Variants in LAMA1 observed in about 807,000 individuals in gnomAD.
LAMA1 encodes laminin subunit alpha 1.
Under a neutral mutation model 348.7 loss-of-function variants are expected in LAMA1, and 219 were observed. The observed-to-expected ratio is 0.63, with a 90% CI of 0.56 to 0.70. The LOEUF is 0.70. Ranked by LOEUF, LAMA1 falls within the 30% of genes least tolerant of loss-of-function variation. The pLI is 0.00. For missense variants in LAMA1, 3,744 were observed against 3,888.0 expected (o/e 0.96, Z 0.99); for synonymous variants, 1,487 against 1,491.0 (o/e 1.00, Z 0.06).
intron 17 of LAMA1, 151 bp downstream of exon 17, chr18:7,025,828 C>A (rs892360542): frequency 7.7e-6 from 9 of 1,161,870 alleles, no homozygotes; most frequent in Admixed American, 2.0e-5. Context: ...AGAAAATAAC[C>A]CACCCCTCTG....
Position 6,973,092 on chromosome 18 carries a change from G to T in LAMA1, c.6739C>A (p.Leu2247Ile). Residue 2247 changes from leucine (L) to isoleucine (I), a missense_variant, in exon 47 of 63, where the codon CTC becomes ATC. Transcript: ENST00000389658. ...ANVLDVNNST[L>I]MFVGGLGGQI... is the part of the protein sequence containing the mutation. ...CCTCCAAGACCTCCAACAAACATGA[G>T]TGTTGAATTGTTTACATCCAGAACA... The T allele has an allele frequency of 6.2e-7, 1 of 1,614,166 alleles. No individual in the cohort carries two copies. The highest frequency in any genetic ancestry group is 8.5e-7 in the Non-Finnish European group (1 of 1,179,966).
At chr18:6,957,813 C>G (rs149068960) in intron 55 of LAMA1, among the ~76,000 whole-genome samples, 1 of 150,534 alleles carries the variant, frequency 6.6e-6, no homozygotes, top group African/African-American at 2.5e-5. Flanking sequence ...GAGTCTCACT[C>G]TGTCGCCCAG....
intron 57 of LAMA1, among the ~76,000 whole-genome samples, chr18:6,952,970 T>C (rs1199970003): frequency 4.9e-5 from 7 of 143,320 alleles, no homozygotes; most frequent in African/African-American, 1.4e-4. Context: ...CATGTCTGCC[T>C]GTGTCCGGCG....
intron 62 of LAMA1, among the ~76,000 whole-genome samples, chr18:6,942,473 G>A (rs1600335121): frequency 6.6e-6 from 1 of 151,866 alleles, no homozygotes. Flanking sequence ...GAGTGCAGTG[G>A]CGCGATCTCG....
chr18:7,100,599 T>C (rs755991017), intron 1 of LAMA1, among the ~76,000 whole-genome samples: 19 of 152,000 alleles, frequency 1.3e-4, no homozygotes, highest in Non-Finnish European at 2.5e-4. Context: ...ACTGAATAAA[T>C]AAAATGTGGT....
At chr18:7,057,594 C>T (rs1598300406) in intron 3 of LAMA1, among the ~76,000 whole-genome samples, 1 of 150,650 alleles carries the variant, frequency 6.6e-6, no homozygotes, top group African/African-American at 2.4e-5. Flanking sequence ...CCTACCTCAG[C>T]CTCCCAAATC....
rs750977289 is a variant in LAMA1, at chr18:7,010,185, A to C, written c.3873+15T>G. On this transcript the variant is annotated intron_variant, in intron 26 of 62. Transcript: ENST00000389658. Reference sequence around the variant, plus strand: ...ATGTCTTTAAGGAACTTCTATGAAAAGATCCCATTATCACCTCTCTCATTG... The same window carrying C: ...ATGTCTTTAAGGAACTTCTATGAAACGATCCCATTATCACCTCTCTCATTG... The C allele has an allele frequency of 1.2e-6, 2 of 1,613,698 alleles. No homozygotes were observed. Among genetic ancestry groups the C allele is most frequent in the East Asian group, 4.5e-5 (2 of 44,868 alleles).
At position 7,117,754 on chromosome 18, in the gene LAMA1, G is replaced by A; in HGVS notation, c.-34C>T. The A allele has an allele frequency of 6.3e-7, 1 of 1,581,394 alleles. No individual in the cohort carries two copies. The highest frequency in any genetic ancestry group is 8.6e-7 in the Non-Finnish European group (1 of 1,168,820). ...CGCCGCCACTCGGTGGGTCTGGGGA[G>A]AAAGCCGCGCGCCCGCCTGGAACGC... is the stretch of plus-strand genomic sequence containing the variant. On this transcript the variant is annotated 5_prime_UTR_variant, in exon 1 of 63. Coordinates refer to ENST00000389658, the MANE Select transcript of LAMA1 (RefSeq NM_005559.4).
At chr18:7,059,369 T>C (rs537283646) in intron 3 of LAMA1, among the ~76,000 whole-genome samples, 18 of 152,318 alleles carry the variant, frequency 1.2e-4, no homozygotes, top group African/African-American at 4.3e-4. Flanking sequence ...CTGCAGCTGA[T>C]ACAGCCATTT....
At chr18:7,109,955 G>A (rs770619003) in intron 1 of LAMA1, among the ~76,000 whole-genome samples, 10 of 152,166 alleles carry the variant, frequency 6.6e-5, no homozygotes, top group East Asian at 5.8e-4. Flanking sequence ...AGGCCAAGGC[G>A]GGTGGATCAC....
At chr18:6,944,011 C>A (rs2057511781) in intron 61 of LAMA1, among the ~76,000 whole-genome samples, 1 of 152,052 alleles carries the variant, frequency 6.6e-6, no homozygotes, top group Non-Finnish European at 1.5e-5. Context: ...AGGTGCTGGT[C>A]ATACTTTCAT....
At chr18:7,001,360 C>T (rs1464135611) in intron 30 of LAMA1, among the ~76,000 whole-genome samples, 1 of 152,126 alleles carries the variant, frequency 6.6e-6, no homozygotes, top group African/African-American at 2.4e-5. Context: ...AAAACACATC[C>T]ATCTTTACAC....
chr18:7,003,156 G>A (rs1171794667), intron 29 of LAMA1, among the ~76,000 whole-genome samples: 1 of 151,892 alleles, frequency 6.6e-6, no homozygotes, highest in African/African-American at 2.4e-5. Context: ...TAGCTGGGAC[G>A]ACATGCACGA....
intron 48 of LAMA1, among the ~76,000 whole-genome samples, chr18:6,968,510 A>G (rs573405813): frequency 1.3e-5 from 2 of 152,316 alleles, no homozygotes; most frequent in South Asian, 2.1e-4. Flanking sequence ...GTATGTGGAC[A>G]TGGCCGGTAC....
rs59231474 is a variant in LAMA1, at chr18:7,010,758, A to C, written c.3688-373T>G. ...CACACACAGACTCCAATGTTTATATAAACAAAAATCCAAGTGATGCCTTTC... is the reference window on the plus strand; with the variant it reads ...CACACACAGACTCCAATGTTTATATCAACAAAAATCCAAGTGATGCCTTTC... On this transcript the variant is annotated intron_variant, in intron 25 of 62. Transcript: ENST00000389658. 3.2e-3 allele frequency among the ~76,000 whole-genome samples: 480 copies of C among 152,330 alleles called. 3 individuals carry two copies. Among genetic ancestry groups the C allele is most frequent in the African/African-American group, 0.011 (467 of 41,578 alleles).
At chr18:7,115,247 A>C (rs1384633618) in intron 1 of LAMA1, among the ~76,000 whole-genome samples, 1 of 152,176 alleles carries the variant, frequency 6.6e-6, no homozygotes, top group East Asian at 1.9e-4. Flanking sequence ...AATGAAGTGA[A>C]TTTTCTTGTA....
In LAMA1 at chr18:6,980,593, A is replaced by T. The variant is rs752392700; in HGVS notation, c.5935T>A (p.Phe1979Ile). The change falls in exon 42 of 63, where the codon TTT (phenylalanine) becomes ATT (isoleucine). Residue 1979 changes from phenylalanine to isoleucine, a missense_variant. Phe to Ile is a conservative substitution (Grantham distance 21). Coordinates refer to ENST00000389658, the MANE Select transcript of LAMA1 (RefSeq NM_005559.4). ...LSELRNKTNR[F>I]QENAVEITRQ... ...GTAATTTCAACAGCATTCTCTTGAA[A>T]TCTGTTTGTCTTATTTCTCAATTCA... The T allele has an allele frequency of 5.6e-6, 9 of 1,613,426 alleles. No homozygotes were observed. The Admixed American group carries it at 6.7e-5, about 12-fold the overall frequency.
chr18:7,034,719 T>G (rs772050626), intron 13 of LAMA1, 29 bp from the exon 14 acceptor site: 1 of 1,577,278 alleles, frequency 6.3e-7, no homozygotes, highest in Non-Finnish European at 8.7e-7. Flanking sequence ...AGAAAATATA[T>G]TTGTCATTCA....
At chr18:6,983,039 A>C in intron 40 of LAMA1, 60 bp downstream of exon 40, 1 of 1,612,646 alleles carries the variant, frequency 6.2e-7, no homozygotes, top group South Asian at 1.1e-5. Flanking sequence ...ATCTCTGCTC[A>C]AACCCGGTAC....
Sources: allele counts gnomAD v4.1 joint callset (sites outside exome capture counted in the v4.1 genomes callset), GRCh38; gene constraint gnomAD v4.1.1; transcripts MANE v1.5; gene names NCBI Gene and HGNC (gene_info 2026-07-23, HGNC 2026-07-21).